Variants in LZTFL1 observed in about 807,000 individuals in gnomAD.
LZTFL1 encodes leucine zipper transcription factor-like protein 1.
LZTFL1 carries 25 observed loss-of-function variants against 45.9 expected under a neutral mutation model. The ratio of observed to expected loss-of-function variants is 0.54; its 90% CI spans 0.40 to 0.76. LZTFL1 has a LOEUF of 0.76. Ranked by LOEUF, LZTFL1 falls within the 30% of genes least tolerant of loss-of-function variation. The probability of loss-of-function intolerance (pLI) is 0.00; values close to 1 mark genes in which losing one functional copy is unlikely to be tolerated. For missense variants in LZTFL1, 277 were observed against 331.1 expected, an observed-to-expected ratio of 0.84 and a Z score of 1.27; for synonymous variants, 93 against 117.4, an observed-to-expected ratio of 0.79 and a Z score of 1.35.
chr3:45,901,561 C>T lies in LZTFL1; in HGVS notation c.-215+11559G>A. On this transcript the variant is annotated intron_variant, in intron 2 of 4. Transcript: ENST00000472635. The surrounding 1 kb of genome is among the most constrained non-coding windows in gnomAD (Gnocchi z 4.3). Reference sequence around the variant, plus strand: ...CACAAAGCCCTAAAAGTGACCATCACTGTCCTGACCGTCTTTGTCTTGTCT... The same window carrying T: ...CACAAAGCCCTAAAAGTGACCATCATTGTCCTGACCGTCTTTGTCTTGTCT... 1.2e-6 allele frequency: 2 copies of T among 1,614,234 alleles called. No individual in the cohort carries two copies. Among genetic ancestry groups the T allele is most frequent in the Non-Finnish European group, 1.7e-6 (2 of 1,180,040 alleles).
intron 1 of LZTFL1, 144 bp downstream of exon 1, chr3:45,841,845 C>T: frequency 9.1e-7 from 1 of 1,100,084 alleles, no homozygotes; most frequent in Non-Finnish European, 1.3e-6. Context: ...TCGCGCCCGG[C>T]GCAGCTCCCC....
Position 45,823,766 on chromosome 3 carries a change from G to A in LZTFL1, c.*2548C>T, listed in dbSNP as rs1333231510. The A allele has an allele frequency of 6.6e-6, 1 of 152,126 alleles. No homozygotes were observed. The highest frequency in any genetic ancestry group is 2.4e-5 in the African/African-American group (1 of 41,428). 9.4% of individuals were successfully genotyped at this position (152,126 alleles called of 1,614,324 possible). ...TTGAATATCTAGTGGCAAAGCTTTGGAACATAGGCATTTACACATAAGCAG... is the reference window on the plus strand; with the variant it reads ...TTGAATATCTAGTGGCAAAGCTTTGAAACATAGGCATTTACACATAAGCAG... On this transcript the variant is annotated 3_prime_UTR_variant, in exon 10 of 10. Transcript: ENST00000296135.
chr3:45,867,532 A>G (rs35044562), intron 2 of LZTFL1, among the ~76,000 whole-genome samples: 9,410 of 152,138 alleles, frequency 0.062, 498 homozygotes, highest in South Asian at 0.27. Flanking sequence ...TATTGTTACT[A>G]TTTAGCACTT....
At chr3:45,895,096 G>T (rs921168102) in intron 2 of LZTFL1, 9 of 876,544 alleles carry the variant, frequency 1.0e-5, no homozygotes, top group Non-Finnish European at 1.7e-5. Context: ...AATGCGCATT[G>T]CTGGGTAGGT....
rs540178730 is a variant in LZTFL1, at chr3:45,828,554, T to G, written c.662A>C (p.Glu221Ala). ...LENTVAALKS[E>A]FQKTLNDKTE... is the part of the protein sequence containing the mutation. Reference sequence around the variant, plus strand: ...CTTGTCATTAAGTGTCTTCTGAAACTCACTCTTTAAGGCAGCGACAGTGTT... The same window carrying G: ...CTTGTCATTAAGTGTCTTCTGAAACGCACTCTTTAAGGCAGCGACAGTGTT... The change falls in exon 8 of 10, where the codon GAG (glutamate) becomes GCG (alanine). Residue 221 changes from glutamate (E) to alanine (A), a missense_variant. Transcript: ENST00000296135. 4 of 1,614,212 alleles carry G rather than the reference T, an allele frequency of 2.5e-6. No homozygotes were observed. Among genetic ancestry groups the G allele is most frequent in the East Asian group, 2.2e-5 (1 of 44,892 alleles).
intron 7 of LZTFL1, among the ~76,000 whole-genome samples, chr3:45,829,961 T>C (rs995026554): frequency 1.3e-5 from 2 of 152,168 alleles, no homozygotes; most frequent in Admixed American, 1.3e-4. Flanking sequence ...ACAGATAAAA[T>C]GGTTCAACGT....
intron 2 of LZTFL1, among the ~76,000 whole-genome samples, chr3:45,887,478 G>A (rs1358951129): frequency 2.6e-5 from 4 of 152,152 alleles, no homozygotes; most frequent in Admixed American, 2.0e-4. Flanking sequence ...AGTGGATGCT[G>A]GTTTGCCTTT....
chr3:45,901,467 T>G lies in LZTFL1; in HGVS notation c.-215+11653A>C. ...GGTCATTCTGGGGTTCTTCCTTCCC[T>G]TCGTGGTCATGGCTTGCTGCTATAC... On this transcript the variant is annotated intron_variant, in intron 2 of 4. Coordinates refer to the LZTFL1 transcript ENST00000472635. This position sits in a 1 kb window ranked among gnomAD's most constrained non-coding sequence, Gnocchi z 4.3. 1 of 1,614,212 alleles carries G rather than the reference T, an allele frequency of 6.2e-7. No individual in the cohort carries two copies. The highest frequency in any genetic ancestry group is 8.5e-7 in the Non-Finnish European group (1 of 1,180,036).
At chr3:45,839,595 C>T (rs1366252760) in intron 1 of LZTFL1, among the ~76,000 whole-genome samples, 3 of 152,214 alleles carry the variant, frequency 2.0e-5, no homozygotes, top group Non-Finnish European at 4.4e-5. Context: ...CCTAAAGTAT[C>T]TCTCCATTCC....
intron 2 of LZTFL1, among the ~76,000 whole-genome samples, chr3:45,868,183 A>ATG (rs1346548408): frequency 9.9e-6 from 1 of 101,134 alleles, no homozygotes; most frequent in East Asian, 3.7e-4. Context: ...AAAAATATAT[A>ATG]TATATATAAA....
chr3:45,911,541 T>C (rs1002971827), intron 2 of LZTFL1, among the ~76,000 whole-genome samples: 2 of 152,230 alleles, frequency 1.3e-5, no homozygotes, highest in African/African-American at 4.8e-5. Context: ...CTGTTGTACT[T>C]TCTCCCCAGT....
intron 2 of LZTFL1, among the ~76,000 whole-genome samples, chr3:45,906,060 AG>A: frequency 6.6e-6 from 1 of 152,180 alleles, no homozygotes; most frequent in Middle Eastern, 3.2e-3. Flanking sequence ...ACTCCAGCTC[AG>A]TACCTCCTAG....
intron 1 of LZTFL1, among the ~76,000 whole-genome samples, chr3:45,838,493 G>C (rs1701020684): frequency 6.6e-6 from 1 of 152,226 alleles, no homozygotes; most frequent in African/African-American, 2.4e-5. Context: ...GCTGTTAAGT[G>C]AGAGCGAAAT....
chr3:45,855,114 T>C, intron 3 of LZTFL1: 2 of 1,241,076 alleles, frequency 1.6e-6, no homozygotes, highest in South Asian at 1.3e-5. Context: ...ATAAGTTGTA[T>C]CTTAAAAACA....
At chr3:45,887,768 C>A (rs1026742093) in intron 2 of LZTFL1, among the ~76,000 whole-genome samples, 1 of 152,274 alleles carries the variant, frequency 6.6e-6, no homozygotes, top group African/African-American at 2.4e-5. Flanking sequence ...AGCCCCTGGG[C>A]CCTGTGCAGC....
At chr3:45,880,203 C>T (rs1300256503) in intron 2 of LZTFL1, among the ~76,000 whole-genome samples, 1 of 152,174 alleles carries the variant, frequency 6.6e-6, no homozygotes, top group Non-Finnish European at 1.5e-5. Flanking sequence ...AATCAGTGAT[C>T]TGTTAAAAAT....
intron 5 of LZTFL1, among the ~76,000 whole-genome samples, chr3:45,831,984 C>T (rs566946304): frequency 9.9e-5 from 15 of 152,206 alleles, no homozygotes; most frequent in Admixed American, 6.5e-4. Context: ...ACCTGTAATC[C>T]CAGCACTTTG....
chr3:45,904,500 C>G (rs900007324), intron 2 of LZTFL1, among the ~76,000 whole-genome samples: 7 of 152,180 alleles, frequency 4.6e-5, no homozygotes, highest in African/African-American at 1.7e-4. Context: ...GACACAGCTC[C>G]TGAGAGAGCT....
chr3:45,865,185 A>C (rs1701557806), intron 2 of LZTFL1, among the ~76,000 whole-genome samples: 1 of 152,232 alleles, frequency 6.6e-6, no homozygotes, highest in East Asian at 1.9e-4. Flanking sequence ...TTTCCTGAGG[A>C]GAAGAAGGAG....
Sources: gnomAD v4.1 joint callset for allele counts (sites outside exome capture counted in the v4.1 genomes callset) on GRCh38, gnomAD v4.1.1 for gene constraint, Gnocchi (gnomAD v3.1) non-coding constraint, MANE v1.5 for transcripts, NCBI Gene and HGNC (gene_info 2026-07-23, HGNC 2026-07-21) for gene names.